The following HSD17B2 variants were observed in gnomAD, a reference collection of about 807,000 sequenced individuals.
HSD17B2 encodes the protein hydroxysteroid 17-beta dehydrogenase 2.
A neutral mutation model predicts 26.9 loss-of-function variants in HSD17B2; 32 were observed. The ratio of observed to expected loss-of-function variants is 1.19; its 90% CI spans 0.90 to 1.60. The LOEUF (loss-of-function observed/expected upper bound fraction) is 1.60. Ranked by LOEUF, HSD17B2 falls within the 40% of genes most tolerant of loss-of-function variation. The probability of loss-of-function intolerance (pLI) is 0.00; values close to 1 mark genes in which losing one functional copy is unlikely to be tolerated. For synonymous variants in HSD17B2, 246 were observed against 186.7 expected (o/e 1.32, Z -2.59); for missense variants, 613 against 468.6 (o/e 1.31, Z -2.85).
At chr16:82,068,426 T>C (rs1914623785) in intron 2 of HSD17B2, 44 bp downstream of exon 2, 1 of 1,507,300 alleles carries the variant, frequency 6.6e-7, no homozygotes, top group South Asian at 1.2e-5. Context: ...TCCTCCTGAA[T>C]GCCCAGCTCT....
At chr16:82,091,136 T>G (rs1418585694) in intron 4 of HSD17B2, 97 bp downstream of exon 4, 1 of 1,184,466 alleles carries the variant, frequency 8.4e-7, no homozygotes, top group Admixed American at 1.7e-5. Context: ...CCCTCATTGT[T>G]GTCAAAGATG....
chr16:82,082,388 G>A (rs1567590844), intron 3 of HSD17B2, among the ~76,000 whole-genome samples: 1 of 152,036 alleles, frequency 6.6e-6, no homozygotes, highest in Non-Finnish European at 1.5e-5. Flanking sequence ...TCTTCAATAG[G>A]TTTCTTTGCA....
At chr16:82,060,270 T>C (rs1025465328) in intron 1 of HSD17B2, among the ~76,000 whole-genome samples, 1 of 152,232 alleles carries the variant, frequency 6.6e-6, no homozygotes, top group African/African-American at 2.4e-5. Flanking sequence ...TTGATTCAGA[T>C]GACCTTTGTA....
intron 3 of HSD17B2, among the ~76,000 whole-genome samples, chr16:82,086,401 T>C (rs1425993957): frequency 6.6e-6 from 1 of 152,192 alleles, no homozygotes; most frequent in Non-Finnish European, 1.5e-5. Flanking sequence ...ACAATTCTTT[T>C]GTAAGCTTCA....
intron 1 of HSD17B2, among the ~76,000 whole-genome samples, chr16:82,062,261 C>A (rs1344396401): frequency 6.6e-6 from 1 of 152,152 alleles, no homozygotes; most frequent in South Asian, 2.1e-4. Flanking sequence ...TAGTCATTGC[C>A]TGTCCCAAGT....
At chr16:82,064,168 G>A (rs1050927940) in intron 1 of HSD17B2, among the ~76,000 whole-genome samples, 2 of 152,172 alleles carry the variant, frequency 1.3e-5, no homozygotes, top group African/African-American at 2.4e-5. Flanking sequence ...CTAGGCTCAT[G>A]AAGCTGCTCA....
chr16:82,041,997 C>CT (rs537013953), intron 1 of HSD17B2, among the ~76,000 whole-genome samples: 2,498 of 141,600 alleles, frequency 0.018, 30 homozygotes, highest in South Asian at 0.077. Context: ...CTTTTCTTTT[C>CT]TTTTTTTTTT....
At chr16:82,054,389 G>A (rs1240331141) in intron 1 of HSD17B2, among the ~76,000 whole-genome samples, 1 of 151,948 alleles carries the variant, frequency 6.6e-6, no homozygotes, top group Non-Finnish European at 1.5e-5. Context: ...GTGTCACCCA[G>A]GCTGGAGTGT....
At chr16:82,096,837 A>G (rs1419934197) in intron 4 of HSD17B2, 1 of 152,136 alleles carries the variant, frequency 6.6e-6, no homozygotes, top group Non-Finnish European at 1.5e-5. Flanking sequence ...TGTCACAAAT[A>G]TACTGTTGAA....
intron 1 of HSD17B2, among the ~76,000 whole-genome samples, chr16:82,042,717 G>A (rs1488463541): frequency 6.6e-6 from 1 of 151,908 alleles, no homozygotes; most frequent in African/African-American, 2.4e-5. Context: ...CTCCTCCTGG[G>A]TTCAAGCAAT....
intron 1 of HSD17B2, among the ~76,000 whole-genome samples, chr16:82,045,076 T>C (rs529841211): frequency 3.1e-3 from 382 of 122,018 alleles, no homozygotes; most frequent in African/African-American, 0.011. Context: ...TGAGCTGAGA[T>C]CACACCACCG....
At chr16:82,095,284 C>T (rs1002999400) in intron 4 of HSD17B2, 1 of 152,200 alleles carries the variant, frequency 6.6e-6, no homozygotes, top group African/African-American at 2.4e-5. Flanking sequence ...TTTCTTTAAG[C>T]ACGGTGTGTG....
At chr16:82,056,484 C>G (rs1423619269) in intron 1 of HSD17B2, 1 of 152,152 alleles carries the variant, frequency 6.6e-6, no homozygotes, top group East Asian at 1.9e-4. Context: ...GGACCGATAC[C>G]TATTTCCATC....
intron 1 of HSD17B2, among the ~76,000 whole-genome samples, chr16:82,039,172 G>A (rs932270278): frequency 6.6e-6 from 1 of 152,020 alleles, no homozygotes; most frequent in Admixed American, 6.6e-5. Context: ...TACTAGCTGT[G>A]TGGACAGCTG....
chr16:82,096,134 A>C (rs1261086186), intron 4 of HSD17B2: 1 of 152,168 alleles, frequency 6.6e-6, no homozygotes, highest in Non-Finnish European at 1.5e-5. Flanking sequence ...TTTATGTGTG[A>C]ATTATATTAA....
intron 3 of HSD17B2, among the ~76,000 whole-genome samples, chr16:82,082,466 G>T (rs529770465): frequency 1.1e-4 from 16 of 152,218 alleles, no homozygotes; most frequent in Middle Eastern, 3.4e-3. Flanking sequence ...TGGACATTTA[G>T]GTTCTTTCCA....
At position 82,098,199 on chromosome 16, in the gene HSD17B2, G is replaced by A. The variant is rs938240081; in HGVS notation, c.927G>A (p.Leu309=). 2 of 1,614,160 alleles carry A rather than the reference G, an allele frequency of 1.2e-6. No individual in the cohort carries two copies. The highest frequency in any genetic ancestry group is 1.7e-6 in the Non-Finnish European group (2 of 1,180,022). ...TAGCACAGCGGAATTTCCTCCTATTGATCAACTCGTTAGCCAGCAAGGACT... is the reference window on the plus strand; with the variant it reads ...TAGCACAGCGGAATTTCCTCCTATTAATCAACTCGTTAGCCAGCAAGGACT... ...YILAQRNFLL[L]INSLASKDFS... is the part of the protein sequence containing the mutation. The change falls in exon 5 of 5, where the codon TTG becomes TTA. Residue 309 remains leucine (L), a synonymous_variant. Transcript: ENST00000199936.
intron 4 of HSD17B2, chr16:82,096,403 T>C (rs1597141819): frequency 6.6e-6 from 1 of 151,950 alleles, no homozygotes. Flanking sequence ...TTGTATTTTT[T>C]AGTAGACACA....
At chr16:82,076,612 G>A (rs995091059) in intron 3 of HSD17B2, among the ~76,000 whole-genome samples, 16 of 152,174 alleles carry the variant, frequency 1.1e-4, no homozygotes, top group African/African-American at 3.9e-4. Context: ...GTCTCGCTCT[G>A]TTGCCAGGCT....
Sources: allele counts gnomAD v4.1 joint callset (sites outside exome capture counted in the v4.1 genomes callset), GRCh38; gene constraint gnomAD v4.1.1; transcripts MANE v1.5; gene names NCBI Gene and HGNC (gene_info 2026-07-23, HGNC 2026-07-21).